TRIM9: variants seen among roughly 807,000 people sequenced by gnomAD.
TRIM9 encodes tripartite motif containing 9, also known as E3 ubiquitin-protein ligase TRIM9.
TRIM9 carries 26 observed loss-of-function variants against 78.3 expected under a neutral mutation model. The observed-to-expected ratio is 0.33, with a 90% confidence interval of 0.24 to 0.46. TRIM9 has a LOEUF of 0.46. Ranked by LOEUF, TRIM9 falls within the 20% of genes least tolerant of loss-of-function variation. The pLI, the probability that TRIM9 is intolerant of heterozygous loss-of-function variation, is 1.00. For missense variants in TRIM9, 787 were observed against 1,036.4 expected, an observed-to-expected ratio of 0.76 and a Z score of 3.30; for synonymous variants, 398 against 416.5, an observed-to-expected ratio of 0.96 and a Z score of 0.54.
chr14:50,986,251 TTTCCCACAGGGTGCC>T, intron 7 of TRIM9, 107 bp from the exon 8 acceptor site: 5 of 1,005,810 alleles, frequency 5.0e-6, no homozygotes, highest in South Asian at 7.5e-5. Context: ...AAGCCTCATC[TTTCCCACAGGGTGCC>T]ACACTCAGGC....
At chr14:51,087,968 T>G (rs558744375) in intron 1 of TRIM9, among the ~76,000 whole-genome samples, 6 of 152,206 alleles carry the variant, frequency 3.9e-5, no homozygotes, top group Non-Finnish European at 7.4e-5. Context: ...CCTAAAATCA[T>G]TTTTTGAGTT....
intron 1 of TRIM9, among the ~76,000 whole-genome samples, chr14:51,075,606 C>T (rs1303839901): frequency 1.3e-5 from 2 of 152,126 alleles, no homozygotes; most frequent in African/African-American, 4.8e-5. Context: ...ACCATTTTTT[C>T]CTGATTTTTC....
At chr14:51,064,946 T>A (rs955570344) in intron 1 of TRIM9, among the ~76,000 whole-genome samples, 1 of 152,204 alleles carries the variant, frequency 6.6e-6, no homozygotes, top group African/African-American at 2.4e-5. Context: ...CAGATGATTT[T>A]ACTGGTGAAC....
intron 1 of TRIM9, among the ~76,000 whole-genome samples, chr14:51,092,742 C>T (rs1205095856): frequency 6.6e-6 from 1 of 152,174 alleles, no homozygotes; most frequent in Non-Finnish European, 1.5e-5. Context: ...GGATCTTCTT[C>T]CTCATGAGGC....
chr14:50,986,738 CAAGT>C (rs1017028906), intron 7 of TRIM9, among the ~76,000 whole-genome samples: 9 of 152,154 alleles, frequency 5.9e-5, no homozygotes, highest in African/African-American at 2.2e-4. Context: ...CAGGGCTGGA[CAAGT>C]AAGCAGGGAA....
At chr14:51,054,448 T>A (rs76120110) in intron 1 of TRIM9, among the ~76,000 whole-genome samples, 1 of 5,814 alleles carries the variant, frequency 1.7e-4, no homozygotes, top group African/African-American at 1.1e-3. Flanking sequence ...GTTTTTTGTA[T>A]TTTTTTTGTT....
At chr14:51,026,732 A>G (rs1174920449) in intron 1 of TRIM9, among the ~76,000 whole-genome samples, 2 of 151,958 alleles carry the variant, frequency 1.3e-5, no homozygotes, top group African/African-American at 4.9e-5. Flanking sequence ...GGTTGAGGCA[A>G]TGTGGGATGG....
At chr14:51,055,379 T>C (rs1195054276) in intron 1 of TRIM9, among the ~76,000 whole-genome samples, 1 of 152,210 alleles carries the variant, frequency 6.6e-6, no homozygotes, top group Non-Finnish European at 1.5e-5. Context: ...AAACATCATG[T>C]CCACATCCTA....
At chr14:51,046,898 C>T (rs1021691096) in intron 1 of TRIM9, among the ~76,000 whole-genome samples, 3 of 152,160 alleles carry the variant, frequency 2.0e-5, no homozygotes, top group South Asian at 4.1e-4. Context: ...CCAGGAAAAC[C>T]GTTGGCTCTT....
chr14:51,014,783 C>A (rs35996765), intron 3 of TRIM9, among the ~76,000 whole-genome samples: 9,965 of 152,216 alleles, frequency 0.065, 379 homozygotes, highest in Middle Eastern at 0.16. Context: ...GCCAGGCCAC[C>A]TCACTGTTGT....
In TRIM9 at chr14:51,094,723, C is replaced by T; in HGVS notation, c.217G>A (p.Glu73Lys). The change falls in exon 1 of 13, where the codon GAG becomes AAG. Residue 73 changes from glutamate to lysine, a missense_variant. Glu to Lys is a moderately conservative substitution (Grantham distance 56). Around this residue, in one of 3 missense-constraint regions of TRIM9, gnomAD observed 352 missense variants for 472.3 expected, o/e 0.75. Coordinates refer to ENST00000684578, the MANE Select transcript of TRIM9 (RefSeq NM_001387360.1). ...TAGGAGCCATAGCCGCTGTCCGCCT[C>T]GCTGTATAGGCTCATCTTGTCCAGG... ...LDLDKMSLYS[E>K]ADSGYGSYGG... 1 of 1,554,428 alleles carries T rather than the reference C, an allele frequency of 6.4e-7. No individual in the cohort carries two copies. Among genetic ancestry groups the T allele is most frequent in the African/African-American group, 1.4e-5 (1 of 73,250 alleles).
chr14:51,009,293 C>T (rs1440837465), intron 4 of TRIM9, 60 bp from the exon 5 acceptor site: 28 of 1,596,946 alleles, frequency 1.8e-5, no homozygotes, highest in Non-Finnish European at 2.2e-5. Flanking sequence ...AAACACAACA[C>T]TGCCCCTTGG....
chr14:51,076,960 T>C (rs2062837271), intron 1 of TRIM9, among the ~76,000 whole-genome samples: 1 of 152,212 alleles, frequency 6.6e-6, no homozygotes, highest in South Asian at 2.1e-4. Context: ...ATGGTTTTAT[T>C]AGGAGAAGAC....
At chr14:51,033,573 C>A (rs1184288393) in intron 1 of TRIM9, among the ~76,000 whole-genome samples, 1 of 152,146 alleles carries the variant, frequency 6.6e-6, no homozygotes, top group Non-Finnish European at 1.5e-5. Context: ...ACTTGCAGTG[C>A]CTCCTGCAGA....
chr14:51,012,160 A>T (rs532750924), intron 3 of TRIM9, among the ~76,000 whole-genome samples: 1 of 152,266 alleles, frequency 6.6e-6, no homozygotes, highest in South Asian at 2.1e-4. Flanking sequence ...TGCAACTATC[A>T]CCACCATCCA....
At chr14:51,092,255 C>T (rs1380956671) in intron 1 of TRIM9, among the ~76,000 whole-genome samples, 1 of 152,142 alleles carries the variant, frequency 6.6e-6, no homozygotes, top group East Asian at 1.9e-4. Flanking sequence ...CCCAGTTAGG[C>T]TTCAATTTGT....
At chr14:51,053,869 A>G (rs1417423521) in intron 1 of TRIM9, among the ~76,000 whole-genome samples, 2 of 152,158 alleles carry the variant, frequency 1.3e-5, no homozygotes, top group African/African-American at 4.8e-5. Flanking sequence ...CAAAGTAAAG[A>G]CTAACTATAA....
chr14:50,978,832 T>C, intron 12 of TRIM9: 1 of 902,082 alleles, frequency 1.1e-6, no homozygotes, highest in African/African-American at 1.8e-5. Context: ...AGGCATTCTA[T>C]AGATATTTGC....
Position 50,981,491 on chromosome 14 carries a change from G to T in TRIM9, c.2162+309C>A, listed in dbSNP as rs142563653. Among the ~76,000 whole-genome samples the T allele has an allele frequency of 2.3e-3, 345 of 152,300 alleles. 1 individual carries two copies. The highest frequency in any genetic ancestry group is 3.9e-3 in the Admixed American group (59 of 15,310). ...CCCAAAAGTGCTTTTCTGTTAAGTT[G>T]TAGGTCTGGGTGTTTCAGCATCCTG... On this transcript the variant is annotated intron_variant, in intron 11 of 12. Transcript: ENST00000684578.
Sources: allele counts gnomAD v4.1 joint callset (sites outside exome capture counted in the v4.1 genomes callset), GRCh38; gene constraint gnomAD v4.1.1; regional missense constraint gnomAD v4.1.1; transcripts MANE v1.5; gene names NCBI Gene and HGNC (gene_info 2026-07-23, HGNC 2026-07-21).